The following ABTB3 variants were observed in gnomAD, a reference collection of about 807,000 sequenced individuals.
The protein encoded by ABTB3 is ankyrin repeat- and BTB/POZ domain-containing protein 3.
chr12:107,422,540 A>G, the ABTB3 span, among the ~76,000 whole-genome samples: 1 of 152,230 alleles, frequency 6.6e-6, no homozygotes, highest in Non-Finnish European at 1.5e-5. Context: ...CAGTGAGACC[A>G]AGAGGAGACT....
chr12:107,624,588 G>A, the ABTB3 span, among the ~76,000 whole-genome samples: 2 of 152,176 alleles, frequency 1.3e-5, no homozygotes, highest in Admixed American at 6.5e-5. Flanking sequence ...CATACAGTAT[G>A]TAATTTTGGA....
the ABTB3 span, among the ~76,000 whole-genome samples, chr12:107,605,320 T>C: frequency 6.6e-6 from 1 of 152,198 alleles, no homozygotes; most frequent in Non-Finnish European, 1.5e-5. Flanking sequence ...GAAACAAACA[T>C]TTTTTAAGTA....
chr12:107,455,887 G>C, the ABTB3 span, among the ~76,000 whole-genome samples: 4 of 152,182 alleles, frequency 2.6e-5, 1 homozygote, highest in South Asian at 6.2e-4. Context: ...GGCACCCAGA[G>C]AGGGAGCAGA....
the ABTB3 span, chr12:107,635,210 C>T: frequency 5.5e-5 from 71 of 1,298,216 alleles, no homozygotes; most frequent in Admixed American, 2.0e-4. Flanking sequence ...CCTGGAGGGA[C>T]GCATTCCTGG....
chr12:107,591,890 C>A, the ABTB3 span, among the ~76,000 whole-genome samples: 556 of 152,240 alleles, frequency 3.7e-3, no homozygotes, highest in African/African-American at 0.013. Flanking sequence ...AACCTGCCCA[C>A]GGTTACATGG....
At chr12:107,349,880 G>A in the ABTB3 span, among the ~76,000 whole-genome samples, 3 of 152,212 alleles carry the variant, frequency 2.0e-5, no homozygotes, top group Non-Finnish European at 4.4e-5. Flanking sequence ...GATGGCAGAG[G>A]CACAGACAGA....
At chr12:107,383,944 G>A in the ABTB3 span, among the ~76,000 whole-genome samples, 1 of 152,190 alleles carries the variant, frequency 6.6e-6, no homozygotes, top group Non-Finnish European at 1.5e-5. Flanking sequence ...CAGCAAGACA[G>A]CACCCATCCA....
the ABTB3 span, among the ~76,000 whole-genome samples, chr12:107,341,884 G>A: frequency 5.3e-5 from 8 of 152,152 alleles, no homozygotes; most frequent in South Asian, 2.1e-4. Context: ...GCTTGCTTCC[G>A]CTTTTGCCAT....
the ABTB3 span, among the ~76,000 whole-genome samples, chr12:107,648,192 G>A: frequency 6.6e-6 from 1 of 152,016 alleles, no homozygotes; most frequent in East Asian, 1.9e-4. Flanking sequence ...ACCAGCCTAG[G>A]CAACACAGAG....
chr12:107,557,387 T>C, the ABTB3 span, among the ~76,000 whole-genome samples: 1 of 152,250 alleles, frequency 6.6e-6, no homozygotes. Context: ...TATAATCTTA[T>C]GGGACCACCA....
At chr12:107,372,911 T>G in the ABTB3 span, among the ~76,000 whole-genome samples, 1 of 152,324 alleles carries the variant, frequency 6.6e-6, no homozygotes, top group African/African-American at 2.4e-5. Flanking sequence ...GTCTCCCCAG[T>G]GCCGGGAGCA....
chr12:107,319,609 C>A, the ABTB3 span: 1 of 1,536,836 alleles, frequency 6.5e-7, no homozygotes. Flanking sequence ...TGGTGGACAG[C>A]CGCGTGGCGC....
At chr12:107,451,049 G>A in the ABTB3 span, among the ~76,000 whole-genome samples, 1 of 151,956 alleles carries the variant, frequency 6.6e-6, no homozygotes, top group African/African-American at 2.4e-5. Context: ...CATTAGAAAC[G>A]GTGCCCTTTT....
At chr12:107,337,173 G>T in the ABTB3 span, among the ~76,000 whole-genome samples, 4 of 152,248 alleles carry the variant, frequency 2.6e-5, no homozygotes, top group Non-Finnish European at 4.4e-5. Flanking sequence ...TCCGGGCGCA[G>T]CCCCGCTGTC....
the ABTB3 span, among the ~76,000 whole-genome samples, chr12:107,366,250 A>C: frequency 6.6e-6 from 1 of 152,184 alleles, no homozygotes; most frequent in Non-Finnish European, 1.5e-5. Flanking sequence ...ATGACTGTTG[A>C]ATGAGTAACT....
At chr12:107,591,151 C>A in the ABTB3 span, among the ~76,000 whole-genome samples, 1 of 152,206 alleles carries the variant, frequency 6.6e-6, no homozygotes, top group Non-Finnish European at 1.5e-5. Context: ...AATCACCCTA[C>A]AAAAGTTTAA....
the ABTB3 span, among the ~76,000 whole-genome samples, chr12:107,380,194 G>A: frequency 0.011 from 1,703 of 152,294 alleles, 41 homozygotes; most frequent in African/African-American, 0.038. Flanking sequence ...GGTGTCACTG[G>A]CCTGCTGCTT....
chr12:107,557,956 C>T, the ABTB3 span, among the ~76,000 whole-genome samples: 2 of 152,186 alleles, frequency 1.3e-5, no homozygotes, highest in Non-Finnish European at 2.9e-5. Context: ...GACTCCCGTT[C>T]AGCACAGCCA....
the ABTB3 span, among the ~76,000 whole-genome samples, chr12:107,322,385 G>A: frequency 1.3e-5 from 2 of 152,160 alleles, no homozygotes; most frequent in African/African-American, 2.4e-5. Context: ...GTTTAAAATG[G>A]CAGGTTGAAT....
Sources: allele counts gnomAD v4.1 joint callset (sites outside exome capture counted in the v4.1 genomes callset), GRCh38; gene constraint gnomAD v4.1.1; transcripts MANE v1.5; gene names NCBI Gene and HGNC (gene_info 2026-07-23, HGNC 2026-07-21).